The following FRMPD4 variants were observed in gnomAD, a reference collection of about 807,000 sequenced individuals.
The protein encoded by FRMPD4 is FERM and PDZ domain-containing protein 4.
A neutral mutation model predicts 94.1 loss-of-function variants in FRMPD4; 22 were observed. The ratio of observed to expected loss-of-function variants is 0.23; its 90% CI spans 0.17 to 0.33. The LOEUF (loss-of-function observed/expected upper bound fraction) is 0.33. FRMPD4 is among the 10% of genes least tolerant of loss of function. The pLI, the probability that FRMPD4 is intolerant of heterozygous loss-of-function variation, is 1.00. For synonymous variants in FRMPD4, 631 were observed against 548.6 expected (o/e 1.15, Z -2.10); for missense variants, 1,111 against 1,339.9 (o/e 0.83, Z 2.67).
At chrX:11,847,975 A>T (rs986228597) in intron 1 of FRMPD4, among the ~76,000 whole-genome samples, 6 of 106,108 alleles carry the variant, frequency 5.7e-5, no homozygotes, top group African/African-American at 2.1e-4. Flanking sequence ...TGGCACATGT[A>T]GACATATGTA....
chrX:12,657,501 GT>G (rs1028258541), intron 4 of FRMPD4, among the ~76,000 whole-genome samples: 4 of 111,264 alleles, frequency 3.6e-5, no homozygotes, highest in Non-Finnish European at 7.6e-5. Context: ...TAGTTTTGGG[GT>G]TTTTTTTAAC....
chrX:12,516,896 GTTCTTT>G (rs1379239452), intron 2 of FRMPD4, among the ~76,000 whole-genome samples: 1 of 58,701 alleles, frequency 1.7e-5, no homozygotes, highest in Non-Finnish European at 2.8e-5. Context: ...ATTCCTTTTC[GTTCTTT>G]TTTTTTTTTT....
At chrX:12,601,702 A>G (rs968112794) in intron 2 of FRMPD4, among the ~76,000 whole-genome samples, 2 of 112,359 alleles carry the variant, frequency 1.8e-5, no homozygotes, top group Non-Finnish European at 1.9e-5. Context: ...TCTTACACAG[A>G]GAAGAAATTT....
chrX:12,697,934 G>T (rs1485471650), intron 9 of FRMPD4, among the ~76,000 whole-genome samples: 1 of 112,215 alleles, frequency 8.9e-6, no homozygotes, highest in Non-Finnish European at 1.9e-5. Context: ...GAATGTCTTT[G>T]CCTCAGACCC....
At chrX:12,007,093 G>C (rs2054557747) in intron 3 of FRMPD4, among the ~76,000 whole-genome samples, 1 of 111,795 alleles carries the variant, frequency 8.9e-6, no homozygotes, top group Admixed American at 9.5e-5. Context: ...TGCTGTGTCA[G>C]TTTCTGGGCC....
chrX:12,274,588 T>TAGGAGGGAGCA (rs1433681376), intron 1 of FRMPD4, among the ~76,000 whole-genome samples: 1 of 112,472 alleles, frequency 8.9e-6, no homozygotes, highest in Non-Finnish European at 1.9e-5. Flanking sequence ...CAAGAGATGT[T>TAGGAGGGAGCA]AGGAGGGAGC....
At chrX:12,524,797 AACC>A (rs2058204231) in intron 2 of FRMPD4, among the ~76,000 whole-genome samples, 1 of 111,304 alleles carries the variant, frequency 9.0e-6, no homozygotes, top group Admixed American at 9.6e-5. Flanking sequence ...CTCCAATGAG[AACC>A]TGCATTGAGA....
chrX:12,044,726 G>T (rs772188813), intron 3 of FRMPD4, among the ~76,000 whole-genome samples: 64 of 111,733 alleles, frequency 5.7e-4, no homozygotes, highest in Non-Finnish European at 7.0e-4. Context: ...GATCAGTGCA[G>T]GTCCGACTAT....
intron 3 of FRMPD4, among the ~76,000 whole-genome samples, chrX:12,610,209 A>G (rs909386654): frequency 6.6e-5 from 7 of 106,610 alleles, no homozygotes; most frequent in Non-Finnish European, 1.9e-5. Context: ...TTCCTTAGTG[A>G]AAAAAAGGAG....
chrX:12,131,090 G>C (rs1439087004), intron 3 of FRMPD4, among the ~76,000 whole-genome samples: 1 of 111,497 alleles, frequency 9.0e-6, no homozygotes, highest in Non-Finnish European at 1.9e-5. Context: ...GCAGACTTTT[G>C]GTATGTGCCT....
intron 1 of FRMPD4, among the ~76,000 whole-genome samples, chrX:12,478,021 G>A (rs1255474247): frequency 8.9e-6 from 1 of 112,361 alleles, no homozygotes; most frequent in Non-Finnish European, 1.9e-5. Context: ...AGGGACAGGT[G>A]GCATGGGAAA....
chrX:11,905,695 G>C (rs761316708), intron 3 of FRMPD4, among the ~76,000 whole-genome samples: 5 of 111,170 alleles, frequency 4.5e-5, no homozygotes, highest in Non-Finnish European at 7.5e-5. Context: ...CATTGATAAC[G>C]TGTGCTCCTA....
intron 1 of FRMPD4, among the ~76,000 whole-genome samples, chrX:12,227,927 A>G (rs2056942137): frequency 9.0e-6 from 1 of 111,023 alleles, no homozygotes; most frequent in Admixed American, 9.5e-5. Flanking sequence ...GTGTGTGTGT[A>G]CATGGAAATT....
At chrX:11,871,006 C>G (rs765032949) in intron 2 of FRMPD4, among the ~76,000 whole-genome samples, 11 of 112,461 alleles carry the variant, frequency 9.8e-5, no homozygotes, top group African/African-American at 3.6e-4. Flanking sequence ...TCCCTAGGTA[C>G]TCACCATCTC....
chrX:12,078,608 T>C (rs764846821), intron 3 of FRMPD4, among the ~76,000 whole-genome samples: 1 of 112,158 alleles, frequency 8.9e-6, no homozygotes, highest in Non-Finnish European at 1.9e-5. Context: ...TTAACGTCAA[T>C]TTGGTTGGTT....
At chrX:11,921,195 C>T (rs2054054304) in intron 3 of FRMPD4, among the ~76,000 whole-genome samples, 1 of 112,041 alleles carries the variant, frequency 8.9e-6, no homozygotes, top group Non-Finnish European at 1.9e-5. Flanking sequence ...AATTAATTTT[C>T]TCACAGTCCT....
chrX:12,147,071 A>G (rs2055779394), intron 1 of FRMPD4, among the ~76,000 whole-genome samples: 1 of 112,508 alleles, frequency 8.9e-6, no homozygotes, highest in African/African-American at 3.2e-5. Context: ...GTTTAGTGCC[A>G]CTGTGTACCC....
chrX:12,366,060 G>A (rs2056071090), intron 1 of FRMPD4, among the ~76,000 whole-genome samples: 1 of 112,238 alleles, frequency 8.9e-6, no homozygotes, highest in African/African-American at 3.2e-5. Context: ...TAGGGGTTGG[G>A]ATAGAGTTGG....
chrX:12,150,971 T>G (rs2055842547), intron 1 of FRMPD4, among the ~76,000 whole-genome samples: 1 of 111,849 alleles, frequency 8.9e-6, no homozygotes, highest in Middle Eastern at 4.2e-3. Flanking sequence ...AATACTATAC[T>G]AAGTGAAAGG....
Sources: allele counts gnomAD v4.1 joint callset (sites outside exome capture counted in the v4.1 genomes callset), GRCh38; gene constraint gnomAD v4.1.1; transcripts MANE v1.5; gene names NCBI Gene and HGNC (gene_info 2026-07-23, HGNC 2026-07-21).